NXPH1: variants seen among roughly 807,000 people sequenced by gnomAD.
NXPH1 encodes neurexophilin 1, also known as neurexophilin-1.
NXPH1 carries 5 observed loss-of-function variants against 23.7 expected under a neutral mutation model. The ratio of observed to expected loss-of-function variants is 0.21; its 90% confidence interval spans 0.11 to 0.44. The LOEUF (loss-of-function observed/expected upper bound fraction) is 0.44. NXPH1 is among the 20% of genes least tolerant of loss of function. NXPH1 has a pLI of 0.99. For synonymous variants in NXPH1, 144 were observed against 122.2 expected, an observed-to-expected ratio of 1.18 and a Z score of -1.18; for missense variants, 324 against 321.6, an observed-to-expected ratio of 1.01 and a Z score of -0.06.
chr7:8,572,369 T>A (rs1400033537), intron 2 of NXPH1, among the ~76,000 whole-genome samples: 1 of 151,882 alleles, frequency 6.6e-6, no homozygotes, highest in Non-Finnish European at 1.5e-5. Context: ...ATATTCAATT[T>A]GGAGAAAAAG....
chr7:8,667,987 TTTG>T (rs34017254), intron 2 of NXPH1, among the ~76,000 whole-genome samples: 109,859 of 150,764 alleles, frequency 0.73, 40,472 homozygotes, highest in East Asian at 1. Context: ...TCTATTGTAT[TTTG>T]TTGTTGTTGT....
intron 2 of NXPH1, among the ~76,000 whole-genome samples, chr7:8,558,346 T>G (rs1165659544): frequency 6.6e-6 from 1 of 151,618 alleles, no homozygotes; most frequent in Non-Finnish European, 1.5e-5. Context: ...TCTTCCAGAG[T>G]GTTTTTCTCA....
chr7:8,470,917 G>C (rs1442551187), intron 2 of NXPH1, among the ~76,000 whole-genome samples: 3 of 152,050 alleles, frequency 2.0e-5, no homozygotes, highest in South Asian at 2.1e-4. Context: ...CTAGACATGG[G>C]AATGGGATCT....
At chr7:8,525,555 C>T (rs1474334038) in intron 2 of NXPH1, among the ~76,000 whole-genome samples, 1 of 152,162 alleles carries the variant, frequency 6.6e-6, no homozygotes, top group Non-Finnish European at 1.5e-5. Context: ...GGTCCCCTCC[C>T]ATCACAGGCC....
intron 2 of NXPH1, among the ~76,000 whole-genome samples, chr7:8,474,185 G>C (rs938771765): frequency 2.6e-5 from 4 of 152,092 alleles, no homozygotes; most frequent in African/African-American, 9.7e-5. Flanking sequence ...GAATGTGAGA[G>C]GACATAGAAT....
chr7:8,705,929 T>G (rs1779698208), intron 2 of NXPH1, among the ~76,000 whole-genome samples: 1 of 152,194 alleles, frequency 6.6e-6, no homozygotes, highest in Non-Finnish European at 1.5e-5. Context: ...CTGTGTCTAC[T>G]GAGTAACTGA....
chr7:8,700,066 T>A (rs897612354), intron 2 of NXPH1, among the ~76,000 whole-genome samples: 4 of 152,178 alleles, frequency 2.6e-5, no homozygotes, highest in Non-Finnish European at 5.9e-5. Flanking sequence ...AATTTTCTTT[T>A]CATTACTCTG....
chr7:8,450,831 C>G (rs1017503807), intron 2 of NXPH1, among the ~76,000 whole-genome samples: 5 of 152,216 alleles, frequency 3.3e-5, no homozygotes, highest in Admixed American at 2.6e-4. Context: ...CCATCATTGG[C>G]TCAATAGATA....
chr7:8,679,588 A>G (rs530932454), intron 2 of NXPH1, among the ~76,000 whole-genome samples: 1 of 152,322 alleles, frequency 6.6e-6, no homozygotes, highest in Non-Finnish European at 1.5e-5. Context: ...TCACAAATTA[A>G]CTTTTGTTAT....
At chr7:8,511,653 C>A (rs781624178) in intron 2 of NXPH1, among the ~76,000 whole-genome samples, 10 of 152,116 alleles carry the variant, frequency 6.6e-5, no homozygotes, top group African/African-American at 9.7e-5. Flanking sequence ...AACCCCCTGG[C>A]CCCAGTGAAC....
chr7:8,689,827 T>G (rs1400488334), intron 2 of NXPH1, among the ~76,000 whole-genome samples: 2 of 152,192 alleles, frequency 1.3e-5, no homozygotes, highest in African/African-American at 2.4e-5. Flanking sequence ...ACTTAGTGAC[T>G]GCTACTTAGC....
At chr7:8,554,121 C>G (rs554004915) in intron 2 of NXPH1, among the ~76,000 whole-genome samples, 1 of 151,530 alleles carries the variant, frequency 6.6e-6, no homozygotes, top group Non-Finnish European at 1.5e-5. Context: ...AGATCTTGGT[C>G]TCAACAAGAT....
intron 2 of NXPH1, among the ~76,000 whole-genome samples, chr7:8,612,679 C>G (rs10243370): frequency 6.6e-6 from 1 of 151,770 alleles, no homozygotes; most frequent in Non-Finnish European, 1.5e-5. Context: ...GATATTAGAC[C>G]ACTACTTATT....
chr7:8,448,864 G>A (rs1212276944), intron 2 of NXPH1, among the ~76,000 whole-genome samples: 2 of 148,990 alleles, frequency 1.3e-5, no homozygotes, highest in East Asian at 2.0e-4. Context: ...AGCAACTAGC[G>A]AATTGTTTAT....
At chr7:8,555,814 T>C (rs1224452880) in intron 2 of NXPH1, among the ~76,000 whole-genome samples, 1 of 151,864 alleles carries the variant, frequency 6.6e-6, no homozygotes, top group East Asian at 2.0e-4. Context: ...GTGTGTCTAC[T>C]TTATATTTTT....
intron 2 of NXPH1, among the ~76,000 whole-genome samples, chr7:8,711,801 A>G (rs1779799997): frequency 6.6e-6 from 1 of 152,188 alleles, no homozygotes; most frequent in Non-Finnish European, 1.5e-5. Context: ...CCTCTGAGGA[A>G]CTGAATGCCA....
intron 2 of NXPH1, among the ~76,000 whole-genome samples, chr7:8,540,442 G>A (rs1230811303): frequency 2.6e-5 from 4 of 151,758 alleles, no homozygotes; most frequent in Middle Eastern, 3.2e-3. Flanking sequence ...AAATAAACAA[G>A]GTGAGCCCCA....
intron 2 of NXPH1, among the ~76,000 whole-genome samples, chr7:8,582,097 G>C (rs1308680446): frequency 6.6e-6 from 1 of 152,210 alleles, no homozygotes; most frequent in Admixed American, 6.5e-5. Context: ...TGCTGGCTCT[G>C]TGACAGGCTG....
At chr7:8,451,250 A>G (rs1816502425) in intron 2 of NXPH1, among the ~76,000 whole-genome samples, 1 of 152,062 alleles carries the variant, frequency 6.6e-6, no homozygotes, top group Admixed American at 6.6e-5. Context: ...TCTGTCTTTC[A>G]GAGAGCGGGT....
Sources: allele counts gnomAD v4.1 joint callset (sites outside exome capture counted in the v4.1 genomes callset), GRCh38; gene constraint gnomAD v4.1.1; transcripts MANE v1.5; gene names NCBI Gene and HGNC (gene_info 2026-07-23, HGNC 2026-07-21).